The following PATJ variants were observed in gnomAD, a reference collection of about 807,000 sequenced individuals.
The protein encoded by PATJ is inaD-like protein.
In PATJ, 190 loss-of-function variants were observed where a neutral mutation model predicts 224.9. The observed-to-expected ratio is 0.84, with a 90% CI of 0.75 to 0.95. The LOEUF is 0.95. Ranked by LOEUF, PATJ falls within the 40% of genes least tolerant of loss-of-function variation. PATJ has a pLI of 0.00. For synonymous variants in PATJ, 769 were observed against 820.3 expected (o/e 0.94, Z 1.07); for missense variants, 2,121 against 2,270.3 (o/e 0.93, Z 1.34).
chr1:61,851,326 A>T (rs1000100064), intron 17 of PATJ, among the ~76,000 whole-genome samples: 2 of 152,116 alleles, frequency 1.3e-5, no homozygotes, highest in African/African-American at 2.4e-5. Flanking sequence ...TTGGGTCTTC[A>T]GGGAGTAAGG....
chr1:61,952,803 T>C (rs1400637566), intron 27 of PATJ, among the ~76,000 whole-genome samples: 2 of 152,200 alleles, frequency 1.3e-5, no homozygotes, highest in Non-Finnish European at 2.9e-5. Context: ...TACTTGTGAC[T>C]TCACCATAAT....
chr1:62,081,656 C>T lies in PATJ; in HGVS notation c.4243+2089C>T, dbSNP rs139153467. On this transcript the variant is annotated intron_variant, in intron 32 of 43. Coordinates refer to ENST00000642238, the MANE Select transcript of PATJ (RefSeq NM_001350145.3). Reference sequence around the variant, plus strand: ...GATCTCGGCTCACTGCAACCTCTGCCTCCTGGGTTCAAGTGATTCTCCTGC... The same window carrying T: ...GATCTCGGCTCACTGCAACCTCTGCTTCCTGGGTTCAAGTGATTCTCCTGC... 3.8e-3 allele frequency among the ~76,000 whole-genome samples: 580 copies of T among 151,704 alleles called. 6 individuals are homozygous for T. The highest frequency in any genetic ancestry group is 0.013 in the African/African-American group (549 of 41,310).
chr1:61,871,020 G>A (rs902409662), intron 20 of PATJ, among the ~76,000 whole-genome samples: 1 of 149,952 alleles, frequency 6.7e-6, no homozygotes, highest in African/African-American at 2.4e-5. Flanking sequence ...GTATTCTTTG[G>A]AGAAATGTCT....
At chr1:62,130,428 G>T (rs1666135445) in intron 41 of PATJ, among the ~76,000 whole-genome samples, 2 of 152,124 alleles carry the variant, frequency 1.3e-5, no homozygotes, top group Admixed American at 1.3e-4. Context: ...ACTCTGGGAG[G>T]CCAAGGCAGG....
At chr1:62,085,035 G>T (rs148454845) in intron 33 of PATJ, among the ~76,000 whole-genome samples, 1,666 of 152,356 alleles carry the variant, frequency 0.011, 12 homozygotes, top group Middle Eastern at 0.031. Flanking sequence ...GCTGAGGCAG[G>T]CAGATTACTT....
At position 61,753,808 on chromosome 1, in the gene PATJ, C is replaced by A. The variant is rs1443125255; in HGVS notation, c.-35-9050C>A. ...TACAGGCATGAGCCACTGTGCCCAGCCTATATATTTTATTTATTAAGTTTT... is the reference window on the plus strand; with the variant it reads ...TACAGGCATGAGCCACTGTGCCCAGACTATATATTTTATTTATTAAGTTTT... On this transcript the variant is annotated intron_variant, in intron 1 of 43. Transcript: ENST00000642238. Among the ~76,000 whole-genome samples the A allele has an allele frequency of 4.6e-5, 7 of 151,130 alleles. No individual in the cohort carries two copies. The South Asian group carries it at 1.2e-3, about 27-fold the overall frequency.
chr1:62,091,689 C>T (rs1020527592), intron 33 of PATJ, among the ~76,000 whole-genome samples: 26 of 149,686 alleles, frequency 1.7e-4, no homozygotes, highest in African/African-American at 5.2e-4. Context: ...GGCTGAGGCA[C>T]GTGGATCACT....
chr1:61,981,616 G>A (rs1644451640), intron 27 of PATJ, among the ~76,000 whole-genome samples: 1 of 151,478 alleles, frequency 6.6e-6, no homozygotes, highest in African/African-American at 2.4e-5. Context: ...GGACAAAAGG[G>A]TATGATCTAG....
intron 27 of PATJ, among the ~76,000 whole-genome samples, chr1:61,933,117 A>G (rs969971769): frequency 3.9e-5 from 6 of 152,350 alleles, no homozygotes; most frequent in African/African-American, 1.4e-4. Context: ...ATTGAGAATT[A>G]TGAAAAAATT....
chr1:62,084,336 C>T (rs1192923328), intron 32 of PATJ, among the ~76,000 whole-genome samples, 179 bp from the exon 33 acceptor site: 2 of 152,150 alleles, frequency 1.3e-5, no homozygotes, highest in Non-Finnish European at 2.9e-5. Context: ...GTTTTAATCT[C>T]AGCAGTGTCA....
chr1:62,059,510 G>A (rs1469409707), intron 31 of PATJ, among the ~76,000 whole-genome samples: 1 of 151,902 alleles, frequency 6.6e-6, no homozygotes, highest in African/African-American at 2.4e-5. Flanking sequence ...CTAGATACTC[G>A]GGAGGCTGAG....
intron 1 of PATJ, among the ~76,000 whole-genome samples, chr1:61,755,037 C>T (rs1367585043): frequency 1.3e-5 from 2 of 152,114 alleles, no homozygotes; most frequent in South Asian, 2.1e-4. Context: ...CAGTGGCTCA[C>T]GCCTGTAATC....
chr1:61,972,571 A>G (rs573836693), intron 27 of PATJ, among the ~76,000 whole-genome samples: 1 of 152,200 alleles, frequency 6.6e-6, no homozygotes, highest in East Asian at 1.9e-4. Context: ...AATAATTTTT[A>G]AAAGTAAGGT....
chr1:61,771,650 A>G, intron 6 of PATJ, 24 bp downstream of exon 6: 1 of 1,513,470 alleles, frequency 6.6e-7, no homozygotes, highest in Non-Finnish European at 8.9e-7. Context: ...TTGAAAAAAT[A>G]CTTAATTTTG....
Position 61,946,704 on chromosome 1 carries a change from C to T in PATJ, c.3670+18875C>T, listed in dbSNP as rs577594196. Among the ~76,000 whole-genome samples the T allele has an allele frequency of 5.0e-4, 76 of 152,308 alleles. 1 individual carries two copies. The South Asian group carries it at 0.015, about 31-fold the overall frequency. The stretch of plus-strand genomic sequence containing the variant: ...TCCATAGAAAAAGAGGGAATCCTCC[C>T]TAATTCATTTTATGTGGCCAACATC... On this transcript the variant is annotated intron_variant, in intron 27 of 43. Coordinates refer to ENST00000642238, the MANE Select transcript of PATJ (RefSeq NM_001350145.3).
chr1:61,812,469 G>A (rs1331729095), intron 14 of PATJ, among the ~76,000 whole-genome samples: 1 of 119,588 alleles, frequency 8.4e-6, no homozygotes, highest in South Asian at 2.4e-4. Flanking sequence ...TGTGTGTGTG[G>A]TGGTATTGGT....
intron 27 of PATJ, among the ~76,000 whole-genome samples, chr1:61,944,209 T>A (rs1056189802): frequency 5.3e-5 from 8 of 152,164 alleles, no homozygotes; most frequent in African/African-American, 1.4e-4. Flanking sequence ...GGAACAAAGC[T>A]GGACAGAGAA....
intron 41 of PATJ, among the ~76,000 whole-genome samples, chr1:62,142,505 T>C (rs1314138866): frequency 2.0e-5 from 3 of 152,210 alleles, no homozygotes; most frequent in African/African-American, 7.2e-5. Context: ...TTAGATTCGC[T>C]CATTCACTCC....
chr1:61,817,151 C>T (rs748809601), intron 14 of PATJ, among the ~76,000 whole-genome samples: 6 of 152,050 alleles, frequency 3.9e-5, no homozygotes, highest in Non-Finnish European at 8.8e-5. Context: ...AAGGCACTAC[C>T]GTGAACATAG....
Sources: gnomAD v4.1 joint callset for allele counts (sites outside exome capture counted in the v4.1 genomes callset) on GRCh38, gnomAD v4.1.1 for gene constraint, MANE v1.5 for transcripts, NCBI Gene and HGNC (gene_info 2026-07-23, HGNC 2026-07-21) for gene names.